RIMS1: variants seen among roughly 807,000 people sequenced by gnomAD.
RIMS1 encodes the protein regulating synaptic membrane exocytosis 1.
In RIMS1, 83 loss-of-function variants were observed where a neutral mutation model predicts 214.1. The observed-to-expected ratio is 0.39, with a 90% CI of 0.32 to 0.47. The LOEUF is 0.47. Ranked by LOEUF, RIMS1 falls within the 20% of genes least tolerant of loss-of-function variation. The pLI, the probability that RIMS1 is intolerant of heterozygous loss-of-function variation, is 0.99. For synonymous variants in RIMS1, 793 were observed against 786.8 expected, an observed-to-expected ratio of 1.01 and a Z score of -0.13; for missense variants, 2,050 against 2,161.8, an observed-to-expected ratio of 0.95 and a Z score of 1.03.
intron 2 of RIMS1, among the ~76,000 whole-genome samples, chr6:71,976,670 CA>C (rs1258718278): frequency 6.6e-6 from 1 of 152,054 alleles, no homozygotes; most frequent in Non-Finnish European, 1.5e-5. Flanking sequence ...ATTCTCATAT[CA>C]AATGCCATTA....
chr6:72,161,567 C>A (rs2045418278), intron 4 of RIMS1, among the ~76,000 whole-genome samples: 1 of 140,010 alleles, frequency 7.1e-6, no homozygotes, highest in African/African-American at 2.5e-5. Flanking sequence ...GAATGTGTCC[C>A]AGAGATTCTG....
chr6:72,339,999 T>C (rs1455016943), intron 29 of RIMS1, among the ~76,000 whole-genome samples: 6 of 152,174 alleles, frequency 3.9e-5, no homozygotes, highest in Non-Finnish European at 7.4e-5. Flanking sequence ...AGATGGTATC[T>C]GATTGTGGTT....
intron 2 of RIMS1, among the ~76,000 whole-genome samples, chr6:72,000,106 A>G (rs190751677): frequency 3.6e-4 from 55 of 152,220 alleles, no homozygotes; most frequent in Non-Finnish European, 6.0e-4. Context: ...GGGAAAAAAA[A>G]CAGTGTAAAC....
intron 1 of RIMS1, among the ~76,000 whole-genome samples, chr6:71,960,841 A>C (rs781117604): frequency 7.9e-5 from 12 of 152,126 alleles, no homozygotes; most frequent in Non-Finnish European, 1.5e-4. Flanking sequence ...TGCCCTACCC[A>C]GGCCTACCCA....
In RIMS1 at chr6:72,348,235, G is replaced by A. The variant is rs556930998; in HGVS notation, c.4366+14400G>A. ...TAAACAATGCAGTTTGAGCTTCGCA[G>A]GCCCGCTTATACACAAATTTTTTTG... On this transcript the variant is annotated intron_variant, in intron 29 of 33. Transcript: ENST00000521978. Among the ~76,000 whole-genome samples the A allele has an allele frequency of 3.9e-5, 6 of 151,940 alleles. No homozygotes were observed. The East Asian group carries it at 5.8e-4, about 15-fold the overall frequency.
At chr6:72,187,094 C>T (rs993743764) in intron 6 of RIMS1, among the ~76,000 whole-genome samples, 3 of 151,782 alleles carry the variant, frequency 2.0e-5, no homozygotes, top group South Asian at 4.2e-4. Context: ...CCACTGCACT[C>T]CAGCCTGGGC....
intron 6 of RIMS1, among the ~76,000 whole-genome samples, chr6:72,207,774 C>A (rs1360981812): frequency 3.3e-5 from 5 of 151,876 alleles, no homozygotes; most frequent in East Asian, 1.9e-4. Flanking sequence ...AACAAACAAA[C>A]AAAAAAATTC....
intron 4 of RIMS1, among the ~76,000 whole-genome samples, chr6:72,144,497 A>G (rs965245841): frequency 6.6e-6 from 1 of 152,178 alleles, no homozygotes; most frequent in African/African-American, 2.4e-5. Flanking sequence ...AAAGTAGAGG[A>G]TAAAGACAGC....
chr6:72,331,076 A>G (rs566274401), intron 28 of RIMS1, among the ~76,000 whole-genome samples: 9 of 151,740 alleles, frequency 5.9e-5, no homozygotes, highest in Non-Finnish European at 1.2e-4. Context: ...AAATTGTAGA[A>G]TATTTCACTG....
chr6:72,182,464 G>A lies in RIMS1; in HGVS notation c.993G>A (p.Pro331=), dbSNP rs760689367. The change falls in exon 6 of 34, where the codon CCG becomes CCA. Residue 331 remains proline (P), a synonymous_variant. Coordinates refer to ENST00000521978, the MANE Select transcript of RIMS1 (RefSeq NM_014989.7). ...KGRSQDYPDT[P]EKRDEGKAAD... Reference sequence around the variant, plus strand: ...GATCACAGGATTACCCAGACACGCCGGAAAAACGGGATGAGGGCAAAGCGG... The same window carrying A: ...GATCACAGGATTACCCAGACACGCCAGAAAAACGGGATGAGGGCAAAGCGG... 4 of 1,613,198 alleles carry A rather than the reference G, an allele frequency of 2.5e-6. No homozygotes were observed. In the African/African-American group the frequency reaches 5.3e-5, roughly 22 times the overall value.
rs1767912665 is a variant in RIMS1 at position 71,886,911 on chromosome 6, TGCC to T, written c.-104_-102del. The T allele has an allele frequency of 5.4e-6, 7 of 1,293,720 alleles. No individual in the cohort carries two copies. The highest frequency in any genetic ancestry group is 2.4e-5 in the East Asian group (1 of 41,292). The allele number at this position is 1,293,720 out of a possible 1,614,324, so 80.1% of individuals were successfully genotyped here. A position where few individuals can be genotyped will look rare whatever the true frequency, so the allele number is the denominator to read the frequency against. On this transcript the variant is annotated 5_prime_UTR_variant, in exon 1 of 34. Transcript: ENST00000521978. ...CCGCCGCCGCCGCTGCTCCTCCTCC[TGCC>T]GCCGCCGCTAGGGCTCCGCTGTGAG...
chr6:72,359,746 G>A (rs1297159024), intron 29 of RIMS1, among the ~76,000 whole-genome samples: 4 of 152,082 alleles, frequency 2.6e-5, no homozygotes, highest in African/African-American at 9.7e-5. Flanking sequence ...CCCTTCAAGG[G>A]TCATGTGAGA....
rs61651151 is a variant in RIMS1 at position 72,196,580 on chromosome 6, C to CTTTTTTTTTTTTTTTTTTTTT, written c.1678+13434_1678+13454dup. ...AGTACTGTGCTGGCAGCCAGCTGCA[C>CTTTTTTTTTTTTTTTTTTTTT]TTTTTTTTTTTTTTTTTTTTTTTAC... On this transcript the variant is annotated intron_variant, in intron 6 of 33. Coordinates refer to ENST00000521978, the MANE Select transcript of RIMS1 (RefSeq NM_014989.7). 9.3e-4 allele frequency among the ~76,000 whole-genome samples: 53 copies of CTTTTTTTTTTTTTTTTTTTTT among 57,200 alleles called. 15 individuals are homozygous for CTTTTTTTTTTTTTTTTTTTTT. Among genetic ancestry groups the CTTTTTTTTTTTTTTTTTTTTT allele is most frequent in the African/African-American group, 1.9e-3 (24 of 12,668 alleles). The allele number at this position is 57,200 out of a possible 152,430, so 37.5% of individuals were successfully genotyped here. A position where few individuals can be genotyped will look rare whatever the true frequency, so the allele number is the denominator to read the frequency against.
chr6:72,204,605 AATACCCAATTTT>A (rs1394491261), intron 6 of RIMS1, among the ~76,000 whole-genome samples: 1 of 152,224 alleles, frequency 6.6e-6, no homozygotes, highest in African/African-American at 2.4e-5. Flanking sequence ...GTTCTCTTTG[AATACCCAATTTT>A]ATTCTTAATG....
intron 29 of RIMS1, among the ~76,000 whole-genome samples, chr6:72,344,391 A>T (rs2097193214): frequency 6.6e-6 from 1 of 151,760 alleles, no homozygotes; most frequent in Non-Finnish European, 1.5e-5. Flanking sequence ...CATTCTAAGA[A>T]ATGTTTTCTT....
intron 2 of RIMS1, among the ~76,000 whole-genome samples, chr6:72,032,436 G>C (rs1310189451): frequency 6.6e-6 from 1 of 152,072 alleles, no homozygotes; most frequent in African/African-American, 2.4e-5. Flanking sequence ...TTGTCCTAGA[G>C]TACTGGGCTC....
At chr6:71,908,988 T>TTTTTA (rs1448573864) in intron 1 of RIMS1, among the ~76,000 whole-genome samples, 1 of 152,220 alleles carries the variant, frequency 6.6e-6, no homozygotes, top group African/African-American at 2.4e-5. Context: ...ACTGTATTTC[T>TTTTTA]TTTTATTTTA....
rs182197310 is a variant in RIMS1 at position 71,957,721 on chromosome 6, G to A, written c.165-11262G>A. On this transcript the variant is annotated intron_variant, in intron 1 of 33. Coordinates refer to ENST00000521978, the MANE Select transcript of RIMS1 (RefSeq NM_014989.7). ...AACCCTCAAGAACACTAAATGACAT[G>A]ACAGTGTATAGACATATTAAAAGTA... 1.7e-4 allele frequency among the ~76,000 whole-genome samples: 26 copies of A among 150,498 alleles called. 5 individuals are homozygous for A. Among genetic ancestry groups the A allele is most frequent in the African/African-American group, 4.7e-4 (19 of 40,008 alleles).
intron 2 of RIMS1, among the ~76,000 whole-genome samples, chr6:71,987,483 CTT>C (rs1015065597): frequency 3.9e-5 from 6 of 152,190 alleles, no homozygotes; most frequent in African/African-American, 1.4e-4. Context: ...TGCCTCATGA[CTT>C]AACTCTCAAA....
Sources: gnomAD v4.1 joint callset for allele counts (sites outside exome capture counted in the v4.1 genomes callset) on GRCh38, gnomAD v4.1.1 for gene constraint, MANE v1.5 for transcripts, NCBI Gene and HGNC (gene_info 2026-07-23, HGNC 2026-07-21) for gene names.